The following RPTOR variants were observed in gnomAD, a reference collection of about 807,000 sequenced individuals.
RPTOR encodes the protein regulatory associated protein of MTOR complex 1.
RPTOR carries 21 observed loss-of-function variants against 169.9 expected under a neutral mutation model. The ratio of observed to expected loss-of-function variants is 0.12; its 90% CI spans 0.09 to 0.18. The LOEUF (loss-of-function observed/expected upper bound fraction) is 0.18. Among genes scored for constraint, RPTOR ranks in the 10% least tolerant of loss-of-function variants. The pLI, the probability that RPTOR is intolerant of heterozygous loss-of-function variation, is 1.00. For missense variants in RPTOR, 1,133 were observed against 1,855.9 expected (o/e 0.61, Z 7.16); for synonymous variants, 732 against 753.2 (o/e 0.97, Z 0.46).
At chr17:80,846,140 C>T (rs1005194050) in intron 10 of RPTOR, among the ~76,000 whole-genome samples, 30 of 152,266 alleles carry the variant, frequency 2.0e-4, no homozygotes, top group African/African-American at 7.0e-4. Context: ...CATCTTCACT[C>T]CCTTGTCCAG....
At chr17:80,799,711 C>A (rs946456220) in intron 7 of RPTOR, among the ~76,000 whole-genome samples, 7 of 151,540 alleles carry the variant, frequency 4.6e-5, no homozygotes, top group African/African-American at 1.7e-4. Context: ...TCTGCACACC[C>A]CTCCCCTCCC....
In RPTOR at chr17:80,839,025, G is replaced by A. The variant is rs148860026; in HGVS notation, c.1212+1028G>A. ...GGATGCCACCCTCCAGCCCAGGGCA[G>A]GGGCACCGATGGTCAGGAAGGTTCC... On this transcript the variant is annotated intron_variant, in intron 10 of 33. Transcript: ENST00000306801. 2.4e-3 allele frequency among the ~76,000 whole-genome samples: 362 copies of A among 152,362 alleles called. No individual in the cohort carries two copies. The Middle Eastern group carries it at 0.024, about 10-fold the overall frequency.
At chr17:80,638,495 G>A (rs1644665895) in intron 2 of RPTOR, among the ~76,000 whole-genome samples, 1 of 142,560 alleles carries the variant, frequency 7.0e-6, no homozygotes, top group Admixed American at 7.4e-5. Flanking sequence ...TCTACCTCCT[G>A]GACTCAAGCG....
intron 13 of RPTOR, among the ~76,000 whole-genome samples, chr17:80,862,521 G>A (rs1397186894): frequency 6.6e-6 from 1 of 150,718 alleles, no homozygotes; most frequent in African/African-American, 2.5e-5. Context: ...ATGCCCCTCT[G>A]TGTTGGTGAT....
chr17:80,679,346 G>C (rs531824759), intron 3 of RPTOR, among the ~76,000 whole-genome samples: 3 of 152,320 alleles, frequency 2.0e-5, no homozygotes, highest in Non-Finnish European at 1.5e-5. Context: ...GAGGGCAGTC[G>C]GCTGGCTCAG....
chr17:80,715,411 C>T (rs921052171), intron 4 of RPTOR, among the ~76,000 whole-genome samples: 1 of 152,164 alleles, frequency 6.6e-6, no homozygotes, highest in South Asian at 2.1e-4. Flanking sequence ...AGCCCTATAT[C>T]AATCGGCTTC....
chr17:80,923,480 C>G lies in RPTOR; in HGVS notation c.2625-10C>G. 6.2e-7 allele frequency: 1 copy of G among 1,613,740 alleles called. No individual in the cohort carries two copies. Among genetic ancestry groups the G allele is most frequent in the South Asian group, 1.1e-5 (1 of 91,080 alleles). On this transcript the variant is annotated splice_polypyrimidine_tract_variant and intron_variant, in intron 22 of 33. Transcript: ENST00000306801. The stretch of plus-strand genomic sequence containing the variant: ...AGAGGATGCAGTGTTTGTTTTTCTT[C>G]CAATGGCAGGGGCTCCCCTCCGGCG...
At chr17:80,618,321 C>T (rs11651320) in intron 1 of RPTOR, among the ~76,000 whole-genome samples, 48,249 of 151,852 alleles carry the variant, frequency 0.32, 7,905 homozygotes, top group African/African-American at 0.39. Context: ...AACTTTTTTT[C>T]CCCCAGAATA....
chr17:80,848,031 G>T (rs1359000656), intron 11 of RPTOR, among the ~76,000 whole-genome samples: 1 of 152,274 alleles, frequency 6.6e-6, no homozygotes, highest in African/African-American at 2.4e-5. Context: ...CCTCGTTCAG[G>T]ACTTTGCCCC....
chr17:80,744,893 T>G (rs1341909981), intron 5 of RPTOR, among the ~76,000 whole-genome samples: 15 of 132,438 alleles, frequency 1.1e-4, no homozygotes, highest in African/African-American at 4.7e-4. Context: ...CCCTGGCTAC[T>G]AGCACTGTCC....
chr17:80,950,740 C>G (rs921587350), intron 28 of RPTOR, among the ~76,000 whole-genome samples: 6 of 152,114 alleles, frequency 3.9e-5, no homozygotes, highest in Non-Finnish European at 8.8e-5. Flanking sequence ...GGATGGCCAG[C>G]CTGGGGGTCA....
intron 6 of RPTOR, among the ~76,000 whole-genome samples, chr17:80,774,761 C>T (rs1247701696): frequency 2.0e-5 from 3 of 152,196 alleles, no homozygotes; most frequent in African/African-American, 4.8e-5. Flanking sequence ...CGCCACATCC[C>T]GCAGTGTTTC....
At chr17:80,685,627 ATTTTTTTTTT>A (rs1165540456) in intron 3 of RPTOR, among the ~76,000 whole-genome samples, 19 of 30,662 alleles carry the variant, frequency 6.2e-4, no homozygotes, top group Non-Finnish European at 9.1e-4. Flanking sequence ...ATATATATAT[ATTTTTTTTTT>A]TTTTTTTTTT....
chr17:80,950,359 G>A (rs963109886), intron 28 of RPTOR, among the ~76,000 whole-genome samples: 2 of 152,200 alleles, frequency 1.3e-5, no homozygotes, highest in Non-Finnish European at 2.9e-5. Context: ...CCTTCCGTGT[G>A]GGGCCTGCCC....
chr17:80,673,903 C>T (rs1443062785), intron 3 of RPTOR, among the ~76,000 whole-genome samples: 1 of 152,210 alleles, frequency 6.6e-6, no homozygotes, highest in Non-Finnish European at 1.5e-5. Context: ...TGTTAATTGT[C>T]AGTCCTCTTC....
Position 80,790,411 on chromosome 17 carries a change from G to A in RPTOR, c.831-1039G>A, listed in dbSNP as rs79237782. Among the ~76,000 whole-genome samples, 181 of 152,270 alleles carry A rather than the reference G, an allele frequency of 1.2e-3. 1 individual carries two copies. The East Asian group carries it at 0.028, about 23-fold the overall frequency. ...AGGATGACCAGCTCAGCCTCCCCTC[G>A]CCCTGCAGGGCTGCAAAAGTGAGAC... is the stretch of plus-strand genomic sequence containing the variant. On this transcript the variant is annotated intron_variant, in intron 6 of 33. Coordinates refer to ENST00000306801, the MANE Select transcript of RPTOR (RefSeq NM_020761.3).
At chr17:80,673,242 GA>G (rs1309836735) in intron 3 of RPTOR, among the ~76,000 whole-genome samples, 4 of 152,188 alleles carry the variant, frequency 2.6e-5, no homozygotes, top group African/African-American at 9.6e-5. Flanking sequence ...TTAACAGAAG[GA>G]AAAATACGTT....
chr17:80,865,583 A>G (rs1198086044), intron 13 of RPTOR, among the ~76,000 whole-genome samples: 2 of 152,196 alleles, frequency 1.3e-5, no homozygotes, highest in African/African-American at 4.8e-5. Flanking sequence ...ACGGAAGTCC[A>G]TTCATCATTC....
intron 1 of RPTOR, among the ~76,000 whole-genome samples, chr17:80,558,376 G>T (rs2084437192): frequency 6.6e-6 from 1 of 152,196 alleles, no homozygotes; most frequent in African/African-American, 2.4e-5. Context: ...GCCTTCAGAG[G>T]CCGAACAGGA....
Sources: allele counts gnomAD v4.1 joint callset (sites outside exome capture counted in the v4.1 genomes callset), GRCh38; gene constraint gnomAD v4.1.1; transcripts MANE v1.5; gene names NCBI Gene and HGNC (gene_info 2026-07-23, HGNC 2026-07-21).